The following SENP6 variants were observed in gnomAD, a reference collection of about 807,000 sequenced individuals.
SENP6 encodes the protein sentrin-specific protease 6.
SENP6 carries 41 observed loss-of-function variants against 134.5 expected under a neutral mutation model. The observed-to-expected ratio is 0.30, with a 90% CI of 0.24 to 0.40. SENP6 has a LOEUF of 0.40. Among genes scored for constraint, SENP6 ranks in the 10% least tolerant of loss-of-function variants. The pLI is 1.00. For synonymous variants in SENP6, 395 were observed against 429.8 expected (o/e 0.92, Z 1.00); for missense variants, 1,248 against 1,312.5 (o/e 0.95, Z 0.76).
chr6:75,623,965 G>A lies in SENP6; in HGVS notation c.207+5G>A. 6.2e-7 allele frequency: 1 copy of A among 1,602,038 alleles called. No homozygotes were observed. The highest frequency in any genetic ancestry group is 8.5e-7 in the Non-Finnish European group (1 of 1,172,290). Reference sequence around the variant, plus strand: ...GAAACCTCAAAAGGAAAAAAGGCAAGTGTTGCTTAAAATATTTTCTTCTTT... The same window carrying A: ...GAAACCTCAAAAGGAAAAAAGGCAAATGTTGCTTAAAATATTTTCTTCTTT... On this transcript the variant is annotated splice_donor_5th_base_variant and intron_variant, in intron 3 of 23. Coordinates refer to ENST00000447266, the MANE Select transcript of SENP6 (RefSeq NM_015571.4).
intron 21 of SENP6, among the ~76,000 whole-genome samples, chr6:75,712,032 A>C (rs566923157): frequency 2.6e-5 from 4 of 152,296 alleles, no homozygotes; most frequent in African/African-American, 9.6e-5. Flanking sequence ...AGCAGAAATC[A>C]CTATATATCA....
chr6:75,633,553 A>G, intron 3 of SENP6, 28 bp from the exon 4 acceptor site: 1 of 1,561,094 alleles, frequency 6.4e-7, no homozygotes, highest in Non-Finnish European at 8.6e-7. Flanking sequence ...AGCATTTTTG[A>G]CTCATATTTC....
At chr6:75,677,277 A>T (rs1252565947) in intron 14 of SENP6, 21 bp downstream of exon 14, 1 of 1,450,008 alleles carries the variant, frequency 6.9e-7, no homozygotes, top group South Asian at 1.3e-5. Context: ...TTTTTAATTT[A>T]AAAATATTCT....
At chr6:75,643,857 A>C (rs138912228) in intron 6 of SENP6, among the ~76,000 whole-genome samples, 1 of 152,364 alleles carries the variant, frequency 6.6e-6, no homozygotes, top group African/African-American at 2.4e-5. Flanking sequence ...ATAGAAATGT[A>C]TGTATTTGGC....
chr6:75,713,764 A>G lies in SENP6; in HGVS notation c.3068A>G (p.Gln1023Arg). 6.2e-7 allele frequency: 1 copy of G among 1,613,648 alleles called. No homozygotes were observed. The highest frequency in any genetic ancestry group is 8.5e-7 in the Non-Finnish European group (1 of 1,179,730). Residue 1023 changes from glutamine to arginine, a missense_variant, in exon 23 of 24, where the codon CAG (glutamine) becomes CGG (arginine). Gln to Arg is a conservative substitution (Grantham distance 43). Transcript: ENST00000447266. ...AAGGGCTCTAATCCAAAAGTACCAC[A>G]GCAAAACAACTTCAGTGACTGTGGT... ...VMKGSNPKVP[Q>R]QNNFSDCGVY...
chr6:75,641,284 CCTTT>C (rs1210757352), intron 6 of SENP6, among the ~76,000 whole-genome samples: 7 of 152,200 alleles, frequency 4.6e-5, no homozygotes, highest in Admixed American at 3.3e-4. Context: ...ATAAGTGACT[CCTTT>C]CTTTTAAAAT....
chr6:75,620,637 C>T lies in SENP6; in HGVS notation c.53-895C>T, dbSNP rs373530532. 5 of 152,328 alleles carry T rather than the reference C, an allele frequency of 3.3e-5. No individual in the cohort carries two copies. In the East Asian group the frequency reaches 5.8e-4, roughly 18 times the overall value. 9.4% of individuals were successfully genotyped at this position (152,328 alleles called of 1,614,324 possible). A position where few individuals can be genotyped will look rare whatever the true frequency, so the allele number is the denominator to read the frequency against. ...TCATATAAATTTGAGAACATTCAGACCATAGCACTGACCATGGGGTGGATG... is the reference window on the plus strand; with the variant it reads ...TCATATAAATTTGAGAACATTCAGATCATAGCACTGACCATGGGGTGGATG... On this transcript the variant is annotated intron_variant, in intron 1 of 23. Transcript: ENST00000447266.
intron 1 of SENP6, among the ~76,000 whole-genome samples, chr6:75,615,267 C>T (rs1173338357): frequency 1.3e-5 from 2 of 151,996 alleles, no homozygotes; most frequent in South Asian, 2.1e-4. Context: ...TCAACCTCTG[C>T]CTTGTGGGTT....
chr6:75,707,473 C>T (rs1775483137), intron 19 of SENP6, among the ~76,000 whole-genome samples: 1 of 149,618 alleles, frequency 6.7e-6, no homozygotes, highest in African/African-American at 2.5e-5. Flanking sequence ...AAGCAGTCCT[C>T]CCAGCTCAAC....
Position 75,621,860 on chromosome 6 carries a change from C to G in SENP6, c.146+235C>G, listed in dbSNP as rs553322314. 2.6e-5 allele frequency among the ~76,000 whole-genome samples: 4 copies of G among 152,150 alleles called. No individual in the cohort carries two copies. The South Asian group carries it at 8.3e-4, about 32-fold the overall frequency. On this transcript the variant is annotated intron_variant, in intron 2 of 23. Coordinates refer to ENST00000447266, the MANE Select transcript of SENP6 (RefSeq NM_015571.4). ...TATGCTTGTAGTACATGTAACCTTACAATTAAAAATTGACTGTACAATGGA... is the reference window on the plus strand; with the variant it reads ...TATGCTTGTAGTACATGTAACCTTAGAATTAAAAATTGACTGTACAATGGA...
rs149702575 is a variant in SENP6 at position 75,658,417 on chromosome 6, C to T, written c.551-845C>T. 1.4e-4 allele frequency among the ~76,000 whole-genome samples: 21 copies of T among 152,010 alleles called. No homozygotes were observed. The East Asian group carries it at 3.1e-3, about 22-fold the overall frequency. On this transcript the variant is annotated intron_variant, in intron 7 of 23. Transcript: ENST00000447266. Reference sequence around the variant, plus strand: ...AATATAGGAAACTAGAAGTATTTAACAAAGCTGTGTTTGTGCAGGTTATTT... The same window carrying T: ...AATATAGGAAACTAGAAGTATTTAATAAAGCTGTGTTTGTGCAGGTTATTT...
At chr6:75,614,741 C>G (rs543969000) in intron 1 of SENP6, among the ~76,000 whole-genome samples, 13 of 152,278 alleles carry the variant, frequency 8.5e-5, no homozygotes, top group Non-Finnish European at 1.8e-4. Flanking sequence ...CTTTACTGCA[C>G]CAACAATAGG....
intron 9 of SENP6, among the ~76,000 whole-genome samples, chr6:75,664,096 A>C (rs1442485161): frequency 6.6e-6 from 1 of 152,072 alleles, no homozygotes; most frequent in Non-Finnish European, 1.5e-5. Context: ...TGAATAATGC[A>C]AGCTACAGAT....
intron 7 of SENP6, among the ~76,000 whole-genome samples, chr6:75,652,127 C>T (rs1770912308): frequency 6.6e-6 from 1 of 151,964 alleles, no homozygotes; most frequent in Admixed American, 6.6e-5. Flanking sequence ...CAGTGAGCCA[C>T]AATCGCGCCA....
intron 1 of SENP6, among the ~76,000 whole-genome samples, chr6:75,610,240 ATTAC>A (rs1293998894): frequency 6.6e-6 from 1 of 152,128 alleles, no homozygotes; most frequent in East Asian, 1.9e-4. Flanking sequence ...TCTCATTTTC[ATTAC>A]TTAAGCTCTT....
intron 16 of SENP6, among the ~76,000 whole-genome samples, chr6:75,686,132 C>G (rs1309871466): frequency 2.6e-5 from 4 of 152,150 alleles, no homozygotes; most frequent in Non-Finnish European, 5.9e-5. Context: ...TTGAATTGAT[C>G]CCTTTACCAT....
chr6:75,683,749 G>GGTGTATATCTCT, intron 16 of SENP6, among the ~76,000 whole-genome samples: 1 of 152,218 alleles, frequency 6.6e-6, no homozygotes, highest in East Asian at 1.9e-4. Flanking sequence ...CTGTTCCATT[G>GGTGTATATCTCT]GTGTATATCT....
At chr6:75,693,426 A>C (rs566508944) in intron 16 of SENP6, among the ~76,000 whole-genome samples, 5 of 151,628 alleles carry the variant, frequency 3.3e-5, no homozygotes, top group African/African-American at 7.3e-5. Flanking sequence ...AAAAAAAAAA[A>C]AAACACCAAA....
intron 5 of SENP6, among the ~76,000 whole-genome samples, chr6:75,639,089 T>C (rs1449497240): frequency 6.6e-6 from 1 of 152,136 alleles, no homozygotes; most frequent in African/African-American, 2.4e-5. Context: ...ACTGTTCTTA[T>C]TTTTTGGGCA....
Sources: gnomAD v4.1 joint callset for allele counts (sites outside exome capture counted in the v4.1 genomes callset) on GRCh38, gnomAD v4.1.1 for gene constraint, MANE v1.5 for transcripts, NCBI Gene and HGNC (gene_info 2026-07-23, HGNC 2026-07-21) for gene names.